DPY19L2: variants seen among roughly 807,000 people sequenced by gnomAD.
DPY19L2 encodes the protein probable C-mannosyltransferase DPY19L2.
In DPY19L2, 34 loss-of-function variants were observed where a neutral mutation model predicts 97.9. That is an observed-to-expected ratio of 0.35 (90% confidence interval 0.26 to 0.46). The LOEUF is 0.46. Ranked by LOEUF, DPY19L2 falls within the 20% of genes least tolerant of loss-of-function variation. The pLI is 1.00. For synonymous variants in DPY19L2, 230 were observed against 307.9 expected (o/e 0.75, Z 2.65); for missense variants, 623 against 911.4 (o/e 0.68, Z 4.07).
intron 8 of DPY19L2, among the ~76,000 whole-genome samples, chr12:63,623,294 T>C (rs1341775840): frequency 6.6e-6 from 1 of 152,016 alleles, no homozygotes; most frequent in East Asian, 1.9e-4. Context: ...TTAGAAACAT[T>C]GGTTGTTCAG....
chr12:63,577,208 G>T (rs1023211057), intron 19 of DPY19L2, among the ~76,000 whole-genome samples: 1 of 152,032 alleles, frequency 6.6e-6, no homozygotes, highest in Non-Finnish European at 1.5e-5. Context: ...TCAATAAATG[G>T]TGTTGGGAAA....
intron 16 of DPY19L2, among the ~76,000 whole-genome samples, chr12:63,589,033 G>A (rs1362977035): frequency 7.2e-5 from 11 of 151,870 alleles, no homozygotes; most frequent in African/African-American, 2.2e-4. Flanking sequence ...TATTACAGGC[G>A]TGAGCCACCG....
chr12:63,583,505 C>G (rs567815316), intron 17 of DPY19L2, among the ~76,000 whole-genome samples: 7 of 152,322 alleles, frequency 4.6e-5, no homozygotes, highest in Admixed American at 1.3e-4. Flanking sequence ...GCCAAGGGTG[C>G]CTGCCCTAAT....
intron 16 of DPY19L2, among the ~76,000 whole-genome samples, chr12:63,586,963 T>C (rs1881896813): frequency 2.6e-5 from 4 of 152,020 alleles, no homozygotes. Flanking sequence ...TCACAGTTAA[T>C]ATGAAAATGG....
At chr12:63,641,221 T>A (rs112470285) in intron 6 of DPY19L2, among the ~76,000 whole-genome samples, 4 of 151,946 alleles carry the variant, frequency 2.6e-5, no homozygotes, top group Non-Finnish European at 4.4e-5. Flanking sequence ...AGAACTTTTT[T>A]AAAAAAATAG....
In DPY19L2 at chr12:63,560,103, C is replaced by A. The variant is rs1427722526; in HGVS notation, c.*409G>T. On this transcript the variant is annotated 3_prime_UTR_variant, in exon 22 of 22. Coordinates refer to ENST00000324472, the MANE Select transcript of DPY19L2 (RefSeq NM_173812.5). ...TTTAAGGATGTCATTTCAGAGCTTG[C>A]ATTCTTCTGCCTTAAGTGGTTCAAA... 1 of 155,256 alleles carries A rather than the reference C, an allele frequency of 6.4e-6. No individual in the cohort carries two copies. Among genetic ancestry groups the A allele is most frequent in the African/African-American group, 2.4e-5 (1 of 41,456 alleles). The allele number at this position is 155,256 out of a possible 1,614,324, so 9.6% of individuals were successfully genotyped here. A position where few individuals can be genotyped will look rare whatever the true frequency, so the allele number is the denominator to read the frequency against.
chr12:63,668,116 C>T lies in DPY19L2; in HGVS notation c.278G>A (p.Arg93Gln), dbSNP rs111719532. 2.2e-5 allele frequency: 36 copies of T among 1,614,008 alleles called. 1 individual carries two copies. Among genetic ancestry groups the T allele is most frequent in the African/African-American group, 2.1e-4 (16 of 75,022 alleles). The change falls in exon 1 of 22, where the codon CGG (arginine) becomes CAG (glutamine). Residue 93 changes from arginine to glutamine, a missense_variant. Coordinates refer to ENST00000324472, the MANE Select transcript of DPY19L2 (RefSeq NM_173812.5). ...CGCCTGCAGTTCCTGCACCTTTTCC[C>T]GGAGCTGCGCCAGGGAATTACGGAC... Reference protein sequence around the residue: ...QFVRNSLAQLREKVQELQARR... With the variant: ...QFVRNSLAQLQEKVQELQARR...
chr12:63,652,745 G>T (rs1894439001), intron 4 of DPY19L2, among the ~76,000 whole-genome samples: 1 of 152,118 alleles, frequency 6.6e-6, no homozygotes, highest in Admixed American at 6.6e-5. Flanking sequence ...ACACAAAGAA[G>T]GGAACAACAG....
At chr12:63,591,531 A>G (rs1471537877) in intron 16 of DPY19L2, among the ~76,000 whole-genome samples, 1 of 152,080 alleles carries the variant, frequency 6.6e-6, no homozygotes, top group Non-Finnish European at 1.5e-5. Context: ...AATTTTCTTC[A>G]CAATTTACTT....
chr12:63,568,124 A>G (rs1338069918), intron 21 of DPY19L2, among the ~76,000 whole-genome samples: 3 of 151,858 alleles, frequency 2.0e-5, no homozygotes, highest in Non-Finnish European at 4.4e-5. Flanking sequence ...GCATGTGTTG[A>G]ACTACTTAAT....
At chr12:63,629,806 C>A (rs1592640958) in intron 6 of DPY19L2, among the ~76,000 whole-genome samples, 2 of 152,242 alleles carry the variant, frequency 1.3e-5, no homozygotes, top group Middle Eastern at 6.8e-3. Context: ...CTGTTAAGGG[C>A]AGCCAGAGAG....
intron 12 of DPY19L2, among the ~76,000 whole-genome samples, chr12:63,603,983 A>G (rs1885617576): frequency 6.6e-6 from 1 of 152,240 alleles, no homozygotes; most frequent in African/African-American, 2.4e-5. Context: ...AAAACCACGT[A>G]TCTACAACCA....
intron 2 of DPY19L2, among the ~76,000 whole-genome samples, chr12:63,664,056 GC>G: frequency 6.6e-6 from 1 of 152,062 alleles, no homozygotes; most frequent in Non-Finnish European, 1.5e-5. Flanking sequence ...CTTAACTGTG[GC>G]CAGGTACGTT....
At chr12:63,615,795 C>T (rs1381995543) in intron 11 of DPY19L2, among the ~76,000 whole-genome samples, 5 of 152,154 alleles carry the variant, frequency 3.3e-5, no homozygotes, top group East Asian at 1.9e-4. Flanking sequence ...GAGGCTTCTA[C>T]ACTCATTTAG....
chr12:63,604,712 T>C (rs1885753016), intron 12 of DPY19L2, among the ~76,000 whole-genome samples: 1 of 152,170 alleles, frequency 6.6e-6, no homozygotes. Context: ...AAAAAAATTC[T>C]GTGGTGAGCT....
rs1326912996 is a variant in DPY19L2 at position 63,582,391 on chromosome 12, G to C, written c.1725+15C>G. 6.2e-7 allele frequency: 1 copy of C among 1,606,662 alleles called. No homozygotes were observed. The highest frequency in any genetic ancestry group is 2.2e-5 in the East Asian group (1 of 44,766). ...TAGTTTTTATAGTATTGTTATACAA[G>C]AATGAATCCCTTACCTGTCGAGAGC... is the stretch of plus-strand genomic sequence containing the variant. On this transcript the variant is annotated intron_variant, in intron 18 of 21. Coordinates refer to ENST00000324472, the MANE Select transcript of DPY19L2 (RefSeq NM_173812.5).
intron 10 of DPY19L2, 63 bp from the exon 11 acceptor site, chr12:63,617,453 G>T: frequency 6.2e-6 from 7 of 1,127,544 alleles, no homozygotes; most frequent in Non-Finnish European, 9.0e-6. Context: ...TGCATATTTT[G>T]TAGGTATATA....
At chr12:63,644,138 T>A (rs1893071045) in intron 6 of DPY19L2, among the ~76,000 whole-genome samples, 1 of 152,098 alleles carries the variant, frequency 6.6e-6, no homozygotes, top group Non-Finnish European at 1.5e-5. Context: ...ATTTTACACA[T>A]GAACTAGGAG....
At chr12:63,607,386 T>C (rs1347005119) in intron 12 of DPY19L2, among the ~76,000 whole-genome samples, 1 of 152,194 alleles carries the variant, frequency 6.6e-6, no homozygotes, top group Admixed American at 6.5e-5. Context: ...CTACAAAGCC[T>C]GCATGTCTAA....
Sources: gnomAD v4.1 joint callset for allele counts (sites outside exome capture counted in the v4.1 genomes callset) on GRCh38, gnomAD v4.1.1 for gene constraint, MANE v1.5 for transcripts, NCBI Gene and HGNC (gene_info 2026-07-23, HGNC 2026-07-21) for gene names.